KIF26B: variants seen among roughly 807,000 people sequenced by gnomAD.
KIF26B encodes the protein kinesin family member 26B, also known as kinesin-like protein KIF26B.
Under a neutral mutation model 151.2 loss-of-function variants are expected in KIF26B, and 63 were observed. That is an observed-to-expected ratio of 0.42 (90% CI 0.34 to 0.51). KIF26B has a LOEUF of 0.51. KIF26B is among the 20% of genes least tolerant of loss of function. KIF26B has a pLI of 0.07. For synonymous variants in KIF26B, 1,357 were observed against 1,262.1 expected (o/e 1.08, Z -1.59); for missense variants, 2,813 against 2,913.6 (o/e 0.97, Z 0.79).
At chr1:245,171,417 G>A (rs979353214) in intron 2 of KIF26B, among the ~76,000 whole-genome samples, 1 of 152,134 alleles carries the variant, frequency 6.6e-6, no homozygotes, top group African/African-American at 2.4e-5. Flanking sequence ...GGTGGCACAT[G>A]CCTGTAATCC....
chr1:245,519,805 A>T (rs758271003), intron 4 of KIF26B, among the ~76,000 whole-genome samples: 2 of 152,190 alleles, frequency 1.3e-5, no homozygotes, highest in Non-Finnish European at 2.9e-5. Context: ...AAACACAGAA[A>T]AGGTACAGTA....
intron 2 of KIF26B, among the ~76,000 whole-genome samples, chr1:245,232,851 T>C (rs1344508535): frequency 6.6e-6 from 1 of 152,104 alleles, no homozygotes; most frequent in African/African-American, 2.4e-5. Context: ...CACCCGGCGG[T>C]TTCCTTCCTT....
chr1:245,617,709 A>C (rs1175677076), intron 9 of KIF26B, among the ~76,000 whole-genome samples: 2 of 152,180 alleles, frequency 1.3e-5, no homozygotes, highest in East Asian at 3.9e-4. Context: ...AATGTTGGCC[A>C]GGAGACACTA....
Position 245,172,480 on chromosome 1 carries a change from A to G in KIF26B, c.465+15797A>G, listed in dbSNP as rs1020438911. The stretch of plus-strand genomic sequence containing the variant: ...CGGCCTTGAGGGGCTGCAGGAACCC[A>G]AAGAAATGCAGCATTGACAGACAGG... On this transcript the variant is annotated intron_variant, in intron 2 of 14. Transcript: ENST00000407071. Among the ~76,000 whole-genome samples, 4 of 152,300 alleles carry G rather than the reference A, an allele frequency of 2.6e-5. No individual in the cohort carries two copies. In the South Asian group the frequency reaches 8.3e-4, roughly 32 times the overall value.
rs1558279684 is a variant in KIF26B, at chr1:245,698,208, T to C, written c.5927T>C (p.Leu1976Ser). The change falls in exon 13 of 15, where the codon TTG becomes TCG. Residue 1976 changes from leucine to serine, a missense_variant. Coordinates refer to ENST00000407071, the MANE Select transcript of KIF26B (RefSeq NM_018012.4). The surrounding 1 kb of genome is among the most constrained non-coding windows in gnomAD (Gnocchi z 4.0). Reference protein sequence around the residue: ...STGVRWVDGPLRSSPRGLGEP... With the variant: ...STGVRWVDGPSRSSPRGLGEP... The stretch of plus-strand genomic sequence containing the variant: ...GGCGTCCGCTGGGTGGATGGCCCCT[T>C]GCGGAGCAGCCCGAGGGGCCTTGGG... 1.2e-6 allele frequency: 2 copies of C among 1,613,860 alleles called. No homozygotes were observed. The highest frequency in any genetic ancestry group is 1.7e-6 in the Non-Finnish European group (2 of 1,179,870).
At chr1:245,592,827 TCA>T (rs1323476070) in intron 5 of KIF26B, among the ~76,000 whole-genome samples, 3 of 152,234 alleles carry the variant, frequency 2.0e-5, no homozygotes, top group African/African-American at 7.2e-5. Flanking sequence ...TGAACTGTGC[TCA>T]GAGTCTCTGG....
At chr1:245,559,869 C>G (rs895821591) in intron 5 of KIF26B, among the ~76,000 whole-genome samples, 16 of 151,890 alleles carry the variant, frequency 1.1e-4, no homozygotes, top group African/African-American at 3.9e-4. Context: ...TGTTTTGCTC[C>G]TGTAGGTCTA....
At chr1:245,521,306 C>T (rs1193635541) in intron 4 of KIF26B, among the ~76,000 whole-genome samples, 2 of 150,688 alleles carry the variant, frequency 1.3e-5, no homozygotes, top group South Asian at 2.1e-4. Flanking sequence ...CACTGCACTC[C>T]ATCCAGCCTG....
intron 2 of KIF26B, among the ~76,000 whole-genome samples, chr1:245,249,533 G>A (rs1373944124): frequency 9.5e-5 from 13 of 136,684 alleles, no homozygotes; most frequent in Non-Finnish European, 6.1e-5. Context: ...TGTCGCCTAG[G>A]CCGGAGTGCA....
At chr1:245,649,364 C>G (rs960683915) in intron 10 of KIF26B, among the ~76,000 whole-genome samples, 5 of 152,334 alleles carry the variant, frequency 3.3e-5, no homozygotes, top group African/African-American at 9.6e-5. Context: ...AGCCTCACTG[C>G]AGACCCACGC....
chr1:245,624,035 C>T (rs963063920), intron 9 of KIF26B, among the ~76,000 whole-genome samples: 3 of 151,948 alleles, frequency 2.0e-5, no homozygotes, highest in African/African-American at 7.3e-5. Context: ...TTATGAGATC[C>T]GGTGGTTTAA....
chr1:245,687,838 A>G lies in KIF26B; in HGVS notation c.4855A>G (p.Ser1619Gly), dbSNP rs1410042457. 5 of 1,593,976 alleles carry G rather than the reference A, an allele frequency of 3.1e-6. No homozygotes were observed. Among genetic ancestry groups the G allele is most frequent in the Non-Finnish European group, 4.3e-6 (5 of 1,171,298 alleles). The change falls in exon 12 of 15, where the codon AGC becomes GGC. Residue 1619 changes from serine (S) to glycine (G), a missense_variant. Ser to Gly is a moderately conservative substitution (Grantham distance 56). Coordinates refer to ENST00000407071, the MANE Select transcript of KIF26B (RefSeq NM_018012.4). This position sits in a 1 kb window ranked among gnomAD's most constrained non-coding sequence, Gnocchi z 4.9. Reference protein sequence around the residue: ...KNRASPQHSASGSGTSSPLNQ... With the variant: ...KNRASPQHSAGGSGTSSPLNQ... ...CCGGGCCAGCCCTCAGCACAGTGCC[A>G]GCGGCAGCGGCACCAGCAGCCCCCT...
At chr1:245,640,148 T>TATATATATATATATATATATATAC (rs1274131414) in intron 9 of KIF26B, among the ~76,000 whole-genome samples, 58 of 85,314 alleles carry the variant, frequency 6.8e-4, no homozygotes, top group East Asian at 2.1e-3. Flanking sequence ...TCTCTCTATA[T>TATATATATATATATATATATATAC]ATATATATAT....
Position 245,687,160 on chromosome 1 carries a change from G to C in KIF26B, c.4177G>C (p.Val1393Leu), listed in dbSNP as rs764845653. 1 of 1,613,134 alleles carries C rather than the reference G, an allele frequency of 6.2e-7. No homozygotes were observed. The highest frequency in any genetic ancestry group is 1.1e-5 in the South Asian group (1 of 90,928). ...CATCCCCATGAAGACCAATATCACA[G>C]TTTACCCCTGCATTGCCATGAGCCC... ...GYIPMKTNIT[V>L]YPCIAMSPRN... is the part of the protein sequence containing the mutation. The change falls in exon 12 of 15, where the codon GTT (valine) becomes CTT (leucine). Residue 1393 changes from valine to leucine, a missense_variant. This residue lies in a region of KIF26B where 2,060 missense variants were observed against 2,088.6 expected (regional missense o/e 0.99). Coordinates refer to ENST00000407071, the MANE Select transcript of KIF26B (RefSeq NM_018012.4). This position sits in a 1 kb window ranked among gnomAD's most constrained non-coding sequence, Gnocchi z 4.9.
At position 245,170,309 on chromosome 1, in the gene KIF26B, G is replaced by A. The variant is rs1266394539; in HGVS notation, c.465+13626G>A. ...GCATTTATGGGTCGGCTGGTTTGAGGGTCCTTGCATTTCTTGTCAGTCAAT... is the reference window on the plus strand; with the variant it reads ...GCATTTATGGGTCGGCTGGTTTGAGAGTCCTTGCATTTCTTGTCAGTCAAT... On this transcript the variant is annotated intron_variant, in intron 2 of 14. Transcript: ENST00000407071. The surrounding 1 kb of genome is among the most constrained non-coding windows in gnomAD (Gnocchi z 4.4). 6.6e-6 allele frequency among the ~76,000 whole-genome samples: 1 copy of A among 152,122 alleles called. No homozygotes were observed. The highest frequency in any genetic ancestry group is 2.4e-5 in the African/African-American group (1 of 41,404).
At chr1:245,169,328 G>GGTGTGTGGGTGTGTGTGT (rs56332945) in intron 2 of KIF26B, among the ~76,000 whole-genome samples, 4,594 of 134,072 alleles carry the variant, frequency 0.034, 76 homozygotes, top group Non-Finnish European at 0.039. Context: ...AACGGGCCAT[G>GGTGTGTGGGTGTGTGTGT]GTGTGTGTGT....
chr1:245,663,931 C>T (rs951509913), intron 10 of KIF26B, among the ~76,000 whole-genome samples: 1 of 152,180 alleles, frequency 6.6e-6, no homozygotes, highest in Non-Finnish European at 1.5e-5. Flanking sequence ...AGGGTGTTAC[C>T]TGGCTGGGCA....
intron 4 of KIF26B, among the ~76,000 whole-genome samples, chr1:245,472,468 T>TA (rs2103064486): frequency 6.6e-6 from 1 of 152,316 alleles, no homozygotes; most frequent in East Asian, 1.9e-4. Context: ...CTACTGTACT[T>TA]ATATTTATCA....
intron 2 of KIF26B, among the ~76,000 whole-genome samples, chr1:245,335,603 C>T (rs1235406863): frequency 2.0e-5 from 3 of 150,018 alleles, no homozygotes; most frequent in Admixed American, 1.3e-4. Context: ...GAGAGTGCCA[C>T]GCGGGGAAAG....
Sources: gnomAD v4.1 joint callset for allele counts (sites outside exome capture counted in the v4.1 genomes callset) on GRCh38, gnomAD v4.1.1 for gene constraint, gnomAD v4.1.1 regional missense constraint, Gnocchi (gnomAD v3.1) non-coding constraint, MANE v1.5 for transcripts, NCBI Gene and HGNC (gene_info 2026-07-23, HGNC 2026-07-21) for gene names.